The following IMMP2L variants were observed in gnomAD, a reference collection of about 807,000 sequenced individuals.
IMMP2L encodes the protein mitochondrial inner membrane protease subunit 2.
IMMP2L carries 18 observed loss-of-function variants against 19.3 expected under a neutral mutation model. The ratio of observed to expected loss-of-function variants is 0.93; its 90% CI spans 0.64 to 1.38. IMMP2L has a LOEUF of 1.38. IMMP2L is among the 40% of genes most tolerant of loss of function. IMMP2L has a pLI of 0.00. For synonymous variants in IMMP2L, 76 were observed against 73.0 expected (o/e 1.04, Z -0.21); for missense variants, 233 against 218.2 (o/e 1.07, Z -0.43).
At chr7:111,030,147 C>CA (rs1465855570) in intron 3 of IMMP2L, among the ~76,000 whole-genome samples, 2 of 152,110 alleles carry the variant, frequency 1.3e-5, no homozygotes, top group Non-Finnish European at 2.9e-5. Flanking sequence ...ATCACAATGA[C>CA]AAAGATGTGC....
rs551249011 is a variant in IMMP2L, at chr7:111,231,193, T to C, written c.239+256045A>G. On this transcript the variant is annotated intron_variant, in intron 3 of 5. Transcript: ENST00000405709. ...CAAGAAAGTGAAACATGGATCTGTCTCCATTTCTCAAATGCAGGAGGTAAA... is the reference window on the plus strand; with the variant it reads ...CAAGAAAGTGAAACATGGATCTGTCCCCATTTCTCAAATGCAGGAGGTAAA... Among the ~76,000 whole-genome samples, 45 of 152,124 alleles carry C rather than the reference T, an allele frequency of 3.0e-4. 1 individual carries two copies. Among genetic ancestry groups the C allele is most frequent in the African/African-American group, 1.0e-3 (43 of 41,526 alleles).
At chr7:110,748,672 G>A (rs1393861257) in intron 5 of IMMP2L, among the ~76,000 whole-genome samples, 10 of 152,130 alleles carry the variant, frequency 6.6e-5, no homozygotes, top group African/African-American at 2.2e-4. Flanking sequence ...TTAATAAATG[G>A]TGTTGGGAAA....
Position 110,912,120 on chromosome 7 carries a change from C to CA in IMMP2L, c.306-25426dup, listed in dbSNP as rs537982292. Among the ~76,000 whole-genome samples the CA allele has an allele frequency of 6.0e-3, 904 of 151,254 alleles. 4 individuals carry two copies. The highest frequency in any genetic ancestry group is 7.9e-3 in the Non-Finnish European group (532 of 67,708). On this transcript the variant is annotated intron_variant, in intron 4 of 5. Transcript: ENST00000405709. ...AACAAATAAACAAACAAACCTAAGACAAAAAAAACAAAAACAAAAACCTCT... is the reference window on the plus strand; with the variant it reads ...AACAAATAAACAAACAAACCTAAGACAAAAAAAAACAAAAACAAAAACCTCT...
intron 3 of IMMP2L, among the ~76,000 whole-genome samples, chr7:111,250,770 C>A (rs892381607): frequency 1.3e-5 from 2 of 152,078 alleles, no homozygotes; most frequent in African/African-American, 4.8e-5. Flanking sequence ...GGATTAAAGA[C>A]TTAAATGTAA....
Position 110,870,604 on chromosome 7 carries a change from C to A in IMMP2L, c.408+15989G>T, listed in dbSNP as rs969168913. On this transcript the variant is annotated intron_variant, in intron 5 of 5. Transcript: ENST00000405709. The surrounding 1 kb of genome is among the most constrained non-coding windows in gnomAD (Gnocchi z 4.2). ...CGTGTGTTCCATTTTGTTAGATGCACAGAAAAAACTCTTCCCTGAAGTGGG... is the reference window on the plus strand; with the variant it reads ...CGTGTGTTCCATTTTGTTAGATGCAAAGAAAAAACTCTTCCCTGAAGTGGG... Among the ~76,000 whole-genome samples the A allele has an allele frequency of 6.6e-6, 1 of 152,036 alleles. No individual in the cohort carries two copies. Among genetic ancestry groups the A allele is most frequent in the African/African-American group, 2.4e-5 (1 of 41,414 alleles).
chr7:111,327,861 A>G (rs958692430), intron 3 of IMMP2L, among the ~76,000 whole-genome samples: 2 of 151,638 alleles, frequency 1.3e-5, no homozygotes, highest in Admixed American at 6.6e-5. Context: ...CCAGATTTCT[A>G]TGTGTCAAAA....
intron 3 of IMMP2L, among the ~76,000 whole-genome samples, chr7:111,307,526 C>T (rs1227241661): frequency 5.3e-5 from 8 of 151,676 alleles, no homozygotes; most frequent in Admixed American, 6.6e-5. Flanking sequence ...CAGAGTGATA[C>T]TTCTCAAAAT....
chr7:111,390,988 A>G (rs2131325996), intron 3 of IMMP2L, among the ~76,000 whole-genome samples: 1 of 152,254 alleles, frequency 6.6e-6, no homozygotes, highest in South Asian at 2.1e-4. Flanking sequence ...AAATATATTC[A>G]ACTAACATAA....
intron 3 of IMMP2L, among the ~76,000 whole-genome samples, chr7:111,443,880 A>G (rs111232261): frequency 2.6e-5 from 4 of 152,216 alleles, no homozygotes; most frequent in African/African-American, 9.6e-5. Context: ...ATCTATTAGA[A>G]GGAAGGAAAA....
At chr7:111,314,825 T>C (rs1256999077) in intron 3 of IMMP2L, among the ~76,000 whole-genome samples, 2 of 152,154 alleles carry the variant, frequency 1.3e-5, no homozygotes, top group African/African-American at 4.8e-5. Context: ...AAACAAATAG[T>C]GGAGACCTAT....
chr7:111,423,203 T>G (rs1835752139), intron 3 of IMMP2L, among the ~76,000 whole-genome samples: 1 of 151,864 alleles, frequency 6.6e-6, no homozygotes, highest in African/African-American at 2.4e-5. Context: ...CTGCCAGGCT[T>G]TGGTATCAGG....
intron 3 of IMMP2L, among the ~76,000 whole-genome samples, chr7:111,258,600 A>T (rs1355402118): frequency 2.0e-5 from 3 of 151,996 alleles, no homozygotes; most frequent in Non-Finnish European, 4.4e-5. Context: ...TCCACCTTCC[A>T]GGTTCAAGCA....
intron 3 of IMMP2L, among the ~76,000 whole-genome samples, chr7:111,384,625 T>C (rs2131265636): frequency 6.6e-6 from 1 of 152,224 alleles, no homozygotes; most frequent in African/African-American, 2.4e-5. Flanking sequence ...CTTTTGACTC[T>C]TCAGCCAATC....
chr7:111,284,356 T>C (rs920585652), intron 3 of IMMP2L, among the ~76,000 whole-genome samples: 4 of 152,166 alleles, frequency 2.6e-5, no homozygotes, highest in Non-Finnish European at 5.9e-5. Context: ...CTTAACATCC[T>C]CTTCTCCTTC....
chr7:111,387,540 TA>T (rs1490683788), intron 3 of IMMP2L, among the ~76,000 whole-genome samples: 1 of 152,160 alleles, frequency 6.6e-6, no homozygotes, highest in Non-Finnish European at 1.5e-5. Context: ...GCCTTAACAA[TA>T]TAGATGGTTT....
intron 4 of IMMP2L, among the ~76,000 whole-genome samples, chr7:110,947,061 A>G (rs1252924736): frequency 2.0e-5 from 3 of 152,176 alleles, no homozygotes; most frequent in Non-Finnish European, 2.9e-5. Context: ...AATAGCTTTT[A>G]CAAAAGGAAA....
chr7:110,759,292 T>G (rs1450040458), intron 5 of IMMP2L, among the ~76,000 whole-genome samples: 4 of 152,108 alleles, frequency 2.6e-5, no homozygotes, highest in Non-Finnish European at 5.9e-5. Context: ...CTGTTTACAT[T>G]TCTATCTCTT....
intron 4 of IMMP2L, chr7:110,963,215 A>T (rs1373933085): frequency 2.9e-6 from 2 of 699,540 alleles, no homozygotes; most frequent in Non-Finnish European, 4.5e-6. Context: ...GCTACTTTTA[A>T]TATCTGATCA....
chr7:111,226,403 A>C (rs1426715879), intron 3 of IMMP2L, among the ~76,000 whole-genome samples: 2 of 152,034 alleles, frequency 1.3e-5, no homozygotes, highest in African/African-American at 4.8e-5. Context: ...TTCTGGCTCA[A>C]GCGATCCTCC....
Sources: allele counts gnomAD v4.1 joint callset (sites outside exome capture counted in the v4.1 genomes callset), GRCh38; gene constraint gnomAD v4.1.1; non-coding constraint Gnocchi (gnomAD v3.1); transcripts MANE v1.5; gene names NCBI Gene and HGNC (gene_info 2026-07-23, HGNC 2026-07-21).